The following PXK variants were observed in gnomAD, a reference collection of about 807,000 sequenced individuals.
The protein encoded by PXK is PX domain-containing protein kinase-like protein.
PXK carries 35 observed loss-of-function variants against 84.7 expected under a neutral mutation model. The observed-to-expected ratio is 0.41, with a 90% CI of 0.32 to 0.55. The LOEUF (loss-of-function observed/expected upper bound fraction) is 0.55. Ranked by LOEUF, PXK falls within the 20% of genes least tolerant of loss-of-function variation. The pLI, the probability that PXK is intolerant of heterozygous loss-of-function variation, is 0.21. For synonymous variants in PXK, 253 were observed against 260.8 expected (o/e 0.97, Z 0.29); for missense variants, 634 against 699.7 (o/e 0.91, Z 1.06).
At chr3:58,367,828 A>G (rs1380609909) in intron 2 of PXK, among the ~76,000 whole-genome samples, 1 of 152,120 alleles carries the variant, frequency 6.6e-6, no homozygotes, top group East Asian at 1.9e-4. Flanking sequence ...AACTATAGGC[A>G]GGTGCCACTA....
At position 58,409,934 on chromosome 3, in the gene PXK, C is replaced by T. The variant is rs908484996; in HGVS notation, c.1396-156C>T. ...TTTCTGCCTTTAGTTTTGGCTGTGA[C>T]TTCTTCACTGTGTTAAGTTATGGGG... On this transcript the variant is annotated intron_variant, in intron 15 of 17. Coordinates refer to ENST00000356151, the MANE Select transcript of PXK (RefSeq NM_017771.5). The surrounding 1 kb of genome is among the most constrained non-coding windows in gnomAD (Gnocchi z 4.2). 1.3e-5 allele frequency among the ~76,000 whole-genome samples: 2 copies of T among 152,184 alleles called. No homozygotes were observed. The highest frequency in any genetic ancestry group is 2.1e-4 in the South Asian group (1 of 4,828).
intron 1 of PXK, among the ~76,000 whole-genome samples, chr3:58,340,119 ATTTTTT>A (rs547721745): frequency 0.028 from 3,501 of 125,828 alleles, 144 homozygotes; most frequent in African/African-American, 0.098. Context: ...CGCCTGGCCG[ATTTTTT>A]TTTTTTTTTT....
chr3:58,392,036 C>T (rs1159142864), intron 7 of PXK, among the ~76,000 whole-genome samples, 189 bp downstream of exon 7: 1 of 152,168 alleles, frequency 6.6e-6, no homozygotes, highest in Non-Finnish European at 1.5e-5. Flanking sequence ...GACATCTGCA[C>T]AACCCATGAA....
rs2058038877 is a variant in PXK, at chr3:58,398,334, G to A, written c.1102+612G>A. Reference sequence around the variant, plus strand: ...GAGAATTGCTTGAACCCGCCTCTTGGGAGGTGGAGGTTGCAGTGAGCCGAG... The same window carrying A: ...GAGAATTGCTTGAACCCGCCTCTTGAGAGGTGGAGGTTGCAGTGAGCCGAG... On this transcript the variant is annotated intron_variant, in intron 11 of 17. Coordinates refer to ENST00000356151, the MANE Select transcript of PXK (RefSeq NM_017771.5). This position sits in a 1 kb window ranked among gnomAD's most constrained non-coding sequence, Gnocchi z 4.5. Among the ~76,000 whole-genome samples the A allele has an allele frequency of 6.6e-6, 1 of 152,204 alleles. No homozygotes were observed. Among genetic ancestry groups the A allele is most frequent in the Non-Finnish European group, 1.5e-5 (1 of 68,046 alleles).
chr3:58,353,595 T>A (rs998595981), intron 1 of PXK, among the ~76,000 whole-genome samples: 1 of 152,134 alleles, frequency 6.6e-6, no homozygotes, highest in Non-Finnish European at 1.5e-5. Flanking sequence ...TATTAAGGAC[T>A]GTAAGTGGCC....
chr3:58,359,955 C>T (rs1195783868), intron 1 of PXK, among the ~76,000 whole-genome samples: 1 of 152,100 alleles, frequency 6.6e-6, no homozygotes, highest in Non-Finnish European at 1.5e-5. Flanking sequence ...CGAGACCAGC[C>T]TGAGCAACAT....
chr3:58,375,570 T>C (rs572930209), intron 3 of PXK, among the ~76,000 whole-genome samples: 55 of 152,298 alleles, frequency 3.6e-4, no homozygotes, highest in African/African-American at 1.3e-3. Flanking sequence ...AAAAAATAAA[T>C]CTATCCACGA....
At chr3:58,420,511 C>T (rs2061668129) in intron 17 of PXK, 2 of 1,501,812 alleles carry the variant, frequency 1.3e-6, no homozygotes, top group Non-Finnish European at 1.8e-6. Flanking sequence ...TCCCCCCTTT[C>T]TCTCTCTCTC....
At chr3:58,371,321 T>C (rs190414878) in intron 3 of PXK, among the ~76,000 whole-genome samples, 138 of 152,328 alleles carry the variant, frequency 9.1e-4, no homozygotes, top group South Asian at 2.7e-3. Flanking sequence ...TATGATGACA[T>C]TGTAGATAAG....
rs115853417 is a variant in PXK at position 58,358,250 on chromosome 3, T to A, written c.103-7624T>A. ...GCAGTAGATCACCACAGCATATTCT[T>A]CGTGTCTTACTTGAAACCTTCCACC... On this transcript the variant is annotated intron_variant, in intron 1 of 17. Transcript: ENST00000356151. Among the ~76,000 whole-genome samples, 279 of 152,344 alleles carry A rather than the reference T, an allele frequency of 1.8e-3. 1 individual carries two copies. The highest frequency in any genetic ancestry group is 2.5e-3 in the Non-Finnish European group (172 of 68,030).
chr3:58,345,878 C>T (rs2097805681), intron 1 of PXK, among the ~76,000 whole-genome samples: 1 of 152,142 alleles, frequency 6.6e-6, no homozygotes, highest in African/African-American at 2.4e-5. Context: ...TCTGGGGCAC[C>T]TCGTTGTTCA....
intron 1 of PXK, among the ~76,000 whole-genome samples, chr3:58,346,878 A>T (rs1419168803): frequency 2.0e-5 from 3 of 151,648 alleles, no homozygotes; most frequent in African/African-American, 7.3e-5. Context: ...TGGCTCCGTC[A>T]CCCAGGCTGG....
intron 1 of PXK, among the ~76,000 whole-genome samples, chr3:58,351,012 A>G (rs1220589403): frequency 6.6e-6 from 1 of 152,086 alleles, no homozygotes; most frequent in Non-Finnish European, 1.5e-5. Flanking sequence ...GCCCTGTTAC[A>G]AGTAGAAGAG....
chr3:58,410,452 C>G (rs2060033053), intron 16 of PXK, among the ~76,000 whole-genome samples: 1 of 152,168 alleles, frequency 6.6e-6, no homozygotes, highest in African/African-American at 2.4e-5. Context: ...GAAAACAGAC[C>G]TGACTTAAAA....
Position 58,391,816 on chromosome 3 carries a change from A to C in PXK, c.584A>C (p.Gln195Pro). The C allele has an allele frequency of 1.2e-6, 2 of 1,613,344 alleles. No homozygotes were observed. The change falls in exon 7 of 18, where the codon CAG (glutamine) becomes CCG (proline). Residue 195 changes from glutamine (Q) to proline (P), a missense_variant. Gln to Pro is a moderately conservative substitution (Grantham distance 76). This residue lies in a region of PXK where 353 missense variants were observed against 385.2 expected (regional missense o/e 0.92). Transcript: ENST00000356151. ...AAGTATTTGTCAGATAAAGATTTTC[A>C]GTGTCTAATCAAACTTCTGCCTTCT... ...PDKYLSDKDF[Q>P]CLIKLLPSCL...
chr3:58,395,967 A>G (rs916946362), intron 9 of PXK, among the ~76,000 whole-genome samples: 1 of 152,206 alleles, frequency 6.6e-6, no homozygotes, highest in African/African-American at 2.4e-5. Context: ...AGCTTTAGCT[A>G]TTGCAATTTA....
At chr3:58,424,212 TTGC>T (rs2107880076) in intron 17 of PXK, among the ~76,000 whole-genome samples, 1 of 152,388 alleles carries the variant, frequency 6.6e-6, no homozygotes, top group South Asian at 2.1e-4. Flanking sequence ...CACTGATTCC[TTGC>T]TGAGAATCCT....
Position 58,409,553 on chromosome 3 carries a change from A to G in PXK, c.1330A>G (p.Thr444Ala). 6.2e-7 allele frequency: 1 copy of G among 1,613,714 alleles called. No homozygotes were observed. The highest frequency in any genetic ancestry group is 1.3e-5 in the African/African-American group (1 of 75,012). The change falls in exon 15 of 18, where the codon ACA (threonine) becomes GCA (alanine). Residue 444 changes from threonine (T) to alanine (A), a missense_variant. Physicochemically the swap from Thr to Ala is moderately conservative, Grantham distance 58. Coordinates refer to ENST00000356151, the MANE Select transcript of PXK (RefSeq NM_017771.5). This position sits in a 1 kb window ranked among gnomAD's most constrained non-coding sequence, Gnocchi z 4.2. ...AAAGATTCACCAGCATCGAAGACTG[A>G]CAAGAGCTCAGTCCCACCATGGATC... ...QKQIHQHRRL[T>A]RAQSHHGSEE...
rs747940611 is a variant in PXK, at chr3:58,385,958, G to T, written c.388+3258G>T. On this transcript the variant is annotated intron_variant, in intron 4 of 17. Coordinates refer to ENST00000356151, the MANE Select transcript of PXK (RefSeq NM_017771.5). The surrounding 1 kb of genome is among the most constrained non-coding windows in gnomAD (Gnocchi z 5.1). ...TTCCTGGTCCTTGCTCTGATGGAGG[G>T]TGAGGGTGTCTTGTTGGAGGGGGAC... is the stretch of plus-strand genomic sequence containing the variant. Among the ~76,000 whole-genome samples the T allele has an allele frequency of 2.6e-5, 4 of 152,170 alleles. No homozygotes were observed. The highest frequency in any genetic ancestry group is 5.9e-5 in the Non-Finnish European group (4 of 68,036).
Sources: gnomAD v4.1 joint callset for allele counts (sites outside exome capture counted in the v4.1 genomes callset) on GRCh38, gnomAD v4.1.1 for gene constraint, gnomAD v4.1.1 regional missense constraint, Gnocchi (gnomAD v3.1) non-coding constraint, MANE v1.5 for transcripts, NCBI Gene and HGNC (gene_info 2026-07-23, HGNC 2026-07-21) for gene names.